The following GOLGA1 variants were observed in gnomAD, a reference collection of about 807,000 sequenced individuals.
GOLGA1 encodes the protein golgin subfamily A member 1.
Under a neutral mutation model 119.7 loss-of-function variants are expected in GOLGA1, and 63 were observed. That is an observed-to-expected ratio of 0.53 (90% CI 0.43 to 0.65). The LOEUF (loss-of-function observed/expected upper bound fraction) is 0.65, where lower values mean the gene tolerates loss of function less well. GOLGA1 is among the 30% of genes least tolerant of loss of function. The pLI, the probability that GOLGA1 is intolerant of heterozygous loss-of-function variation, is 0.00. For missense variants in GOLGA1, 798 were observed against 912.8 expected (o/e 0.87, Z 1.62); for synonymous variants, 318 against 333.4 (o/e 0.95, Z 0.50).
intron 10 of GOLGA1, among the ~76,000 whole-genome samples, chr9:124,920,870 A>AG (rs1323158112): frequency 5.3e-5 from 8 of 151,800 alleles, no homozygotes; most frequent in East Asian, 1.9e-4. Context: ...AAAAAAAAAA[A>AG]AGAGAGACAT....
At chr9:124,907,406 T>G (rs971233059) in intron 12 of GOLGA1, among the ~76,000 whole-genome samples, 47 of 152,336 alleles carry the variant, frequency 3.1e-4, no homozygotes, top group African/African-American at 1.1e-3. Flanking sequence ...ACAGTAGATC[T>G]CTGTGACTTA....
chr9:124,889,672 C>G (rs1431532651), intron 16 of GOLGA1, 136 bp from the exon 17 acceptor site: 2 of 710,790 alleles, frequency 2.8e-6, no homozygotes, highest in Non-Finnish European at 5.2e-6. Flanking sequence ...AAACCCCCAG[C>G]TAAGCTCTGC....
At chr9:124,896,025 G>A (rs536335838) in intron 15 of GOLGA1, among the ~76,000 whole-genome samples, 10 of 152,350 alleles carry the variant, frequency 6.6e-5, no homozygotes, top group South Asian at 6.2e-4. Context: ...GGCCTCAAAC[G>A]TCAATAGCGC....
chr9:124,902,294 A>G (rs930037540), intron 12 of GOLGA1, among the ~76,000 whole-genome samples: 3 of 150,174 alleles, frequency 2.0e-5, no homozygotes, highest in Admixed American at 1.3e-4. Flanking sequence ...TCTATTTTTT[A>G]GTAGAGACGG....
intron 12 of GOLGA1, among the ~76,000 whole-genome samples, chr9:124,904,975 T>A (rs1167013251): frequency 1.9e-4 from 27 of 144,658 alleles, no homozygotes; most frequent in African/African-American, 6.6e-4. Context: ...TAAAATAAAT[T>A]AAAAAAATAC....
chr9:124,908,079 C>T (rs1830267655), intron 12 of GOLGA1, among the ~76,000 whole-genome samples: 1 of 152,058 alleles, frequency 6.6e-6, no homozygotes, highest in South Asian at 2.1e-4. Flanking sequence ...AATTAAAAAC[C>T]CAGTGCTACA....
chr9:124,899,677 T>G (rs990243278), intron 13 of GOLGA1, among the ~76,000 whole-genome samples, 199 bp from the exon 14 acceptor site: 4 of 152,148 alleles, frequency 2.6e-5, no homozygotes, highest in Non-Finnish European at 5.9e-5. Flanking sequence ...GATGGAGTCT[T>G]GATGTCATCA....
At position 124,929,273 on chromosome 9, in the gene GOLGA1, G is replaced by A. The variant is rs1196560749; in HGVS notation, c.244C>T (p.Arg82Ter). ...TTCTCTTTTATCTTCTGCAAGTTTCGGACCTGTTCAGCATAGTCTTGGGTG... is the reference window on the plus strand; with the variant it reads ...TTCTCTTTTATCTTCTGCAAGTTTCAGACCTGTTCAGCATAGTCTTGGGTG... ...ARLSDYAEQV[R>*]NLQKIKEKLE... Residue 82 changes from arginine to a stop codon, truncating the protein, a stop_gained, in exon 5 of 23, where the codon CGA becomes TGA. Transcript: ENST00000373555. LOFTEE classifies it high-confidence loss of function. 31 of 1,607,790 alleles carry A rather than the reference G, an allele frequency of 1.9e-5. No individual in the cohort carries two copies. Among genetic ancestry groups the A allele is most frequent in the Non-Finnish European group, 2.5e-5 (29 of 1,174,404 alleles).
intron 12 of GOLGA1, 52 bp downstream of exon 12, chr9:124,908,325 T>G (rs369216893): frequency 1.6e-4 from 151 of 931,866 alleles, no homozygotes; most frequent in Non-Finnish European, 1.5e-4. Flanking sequence ...CATGTTGCCA[T>G]TCAGCCAGGT....
At chr9:124,941,240 G>T (rs1203964850), upstream of GOLGA1, 1 of 152,346 alleles carries the variant, frequency 6.6e-6, no homozygotes, top group Non-Finnish European at 1.5e-5. Flanking sequence ...CCAGCCGGGC[G>T]CTCCCTCAGC....
At position 124,888,502 on chromosome 9, in the gene GOLGA1, G is replaced by C; in HGVS notation, c.1762-106C>G. 1.0e-6 allele frequency: 1 copy of C among 984,110 alleles called. No individual in the cohort carries two copies. Among genetic ancestry groups the C allele is most frequent in the Non-Finnish European group, 1.6e-6 (1 of 643,318 alleles). 61.0% of individuals were successfully genotyped at this position (984,110 alleles called of 1,614,324 possible). On this transcript the variant is annotated intron_variant, in intron 18 of 22. Transcript: ENST00000373555. The surrounding 1 kb of genome is among the most constrained non-coding windows in gnomAD (Gnocchi z 4.4). ...GACTCGTCCCTTAGGTATGGGCGTT[G>C]TGCTCCAACAGGCAACTGGCCAGGA... is the stretch of plus-strand genomic sequence containing the variant.
intron 12 of GOLGA1, among the ~76,000 whole-genome samples, chr9:124,902,731 C>T (rs1420585310): frequency 5.9e-5 from 9 of 152,140 alleles, no homozygotes; most frequent in African/African-American, 1.9e-4. Context: ...CCTTGTGATC[C>T]GCCCGCCTCA....
chr9:124,889,039 G>A, intron 18 of GOLGA1, 104 bp downstream of exon 18: 1 of 850,754 alleles, frequency 1.2e-6, no homozygotes, highest in Non-Finnish European at 1.8e-6. Flanking sequence ...ATGCAGGGGA[G>A]CGTCGTGTCC....
At chr9:124,945,815 A>G (rs573448605), upstream of GOLGA1, 2 of 152,352 alleles carry the variant, frequency 1.3e-5, no homozygotes, top group East Asian at 3.9e-4. Context: ...AAGCTGGAAC[A>G]TAGTGTAGTA....
chr9:124,889,266 C>A lies in GOLGA1; in HGVS notation c.1638G>T (p.Gln546His). ...NSALLQIHQL[Q>H]AELEALRTLK... ...GGGTCCTCAGGGCCTCCAGCTCGGC[C>A]TGCAGCTGGTGTATCTGCAGCAGGG... The change falls in exon 18 of 23, where the codon CAG becomes CAT. Residue 546 changes from glutamine to histidine, a missense_variant. By Grantham distance (24) the Gln-to-His change is conservative (BLOSUM62 0). Transcript: ENST00000373555. 1 of 1,613,940 alleles carries A rather than the reference C, an allele frequency of 6.2e-7. No individual in the cohort carries two copies. The highest frequency in any genetic ancestry group is 8.5e-7 in the Non-Finnish European group (1 of 1,179,924).
chr9:124,913,347 C>T (rs1025414459), intron 10 of GOLGA1, among the ~76,000 whole-genome samples: 6 of 152,150 alleles, frequency 3.9e-5, no homozygotes, highest in Non-Finnish European at 5.9e-5. Flanking sequence ...TCTTACATCC[C>T]CACTGAGGAT....
At chr9:124,912,886 T>TG (rs1359048777) in intron 10 of GOLGA1, among the ~76,000 whole-genome samples, 1 of 152,172 alleles carries the variant, frequency 6.6e-6, no homozygotes, top group Non-Finnish European at 1.5e-5. Context: ...AGCAACAGGT[T>TG]GGGACTAACT....
chr9:124,906,384 T>C (rs1032475033), intron 12 of GOLGA1, among the ~76,000 whole-genome samples: 5 of 151,704 alleles, frequency 3.3e-5, no homozygotes, highest in East Asian at 1.9e-4. Flanking sequence ...TGAGCCAAGA[T>C]AGTGCCACTG....
chr9:124,890,313 A>G, intron 16 of GOLGA1, 76 bp downstream of exon 16: 1 of 988,088 alleles, frequency 1.0e-6, no homozygotes, highest in Non-Finnish European at 1.6e-6. Context: ...CCTCTCCAAC[A>G]GTCTCACGGC....
Sources: gnomAD v4.1 joint callset for allele counts (sites outside exome capture counted in the v4.1 genomes callset) on GRCh38, gnomAD v4.1.1 for gene constraint, Gnocchi (gnomAD v3.1) non-coding constraint, MANE v1.5 for transcripts, NCBI Gene and HGNC (gene_info 2026-07-23, HGNC 2026-07-21) for gene names.